The following TAFA4 variants were observed in gnomAD, a reference collection of about 807,000 sequenced individuals.
The protein encoded by TAFA4 is TAFA chemokine like family member 4, also known as chemokine-like protein TAFA-4.
In TAFA4, 20 loss-of-function variants were observed where a neutral mutation model predicts 21.1. That is an observed-to-expected ratio of 0.95 (90% CI 0.67 to 1.38). TAFA4 has a LOEUF of 1.38. TAFA4 is among the 40% of genes most tolerant of loss of function. The probability of loss-of-function intolerance (pLI) is 0.00; values close to 1 mark genes in which losing one functional copy is unlikely to be tolerated. For missense variants in TAFA4, 211 were observed against 180.9 expected, an observed-to-expected ratio of 1.17 and a Z score of -0.95; for synonymous variants, 71 against 67.4, an observed-to-expected ratio of 1.05 and a Z score of -0.26.
At chr3:68,774,118 G>A (rs988584106) in intron 3 of TAFA4, among the ~76,000 whole-genome samples, 1 of 152,164 alleles carries the variant, frequency 6.6e-6, no homozygotes, top group Non-Finnish European at 1.5e-5. Flanking sequence ...CTTCTCCCAA[G>A]CTCCAGTCCT....
chr3:68,828,598 T>G (rs1704308422), intron 3 of TAFA4, among the ~76,000 whole-genome samples: 1 of 152,192 alleles, frequency 6.6e-6, no homozygotes, highest in Non-Finnish European at 1.5e-5. Flanking sequence ...TTCACATCCC[T>G]TGTAATTTGG....
rs1020839707 is a variant in TAFA4 at position 68,870,990 on chromosome 3, G to A, written c.130+9740C>T. On this transcript the variant is annotated intron_variant, in intron 3 of 5. Transcript: ENST00000295569. ...TTCTTTATCCAGTCTATCACTGATGGGTATTTGGGTTGGTTCCAAAATCTC... is the reference window on the plus strand; with the variant it reads ...TTCTTTATCCAGTCTATCACTGATGAGTATTTGGGTTGGTTCCAAAATCTC... 3.3e-5 allele frequency among the ~76,000 whole-genome samples: 5 copies of A among 152,060 alleles called. 1 individual carries two copies. The South Asian group carries it at 6.2e-4, about 19-fold the overall frequency.
At chr3:68,846,447 G>A (rs1435913482) in intron 3 of TAFA4, among the ~76,000 whole-genome samples, 1 of 151,856 alleles carries the variant, frequency 6.6e-6, no homozygotes, top group Non-Finnish European at 1.5e-5. Context: ...AGTCTTCCTT[G>A]CATTGTGTTA....
chr3:68,901,922 G>C (rs996104403), intron 1 of TAFA4, among the ~76,000 whole-genome samples: 3 of 152,180 alleles, frequency 2.0e-5, no homozygotes, highest in South Asian at 2.1e-4. Context: ...AATAGATTTG[G>C]AAATAACTAC....
At chr3:68,772,226 G>T (rs1375677177) in intron 3 of TAFA4, among the ~76,000 whole-genome samples, 1 of 152,126 alleles carries the variant, frequency 6.6e-6, no homozygotes, top group African/African-American at 2.4e-5. Context: ...TTCATTTATG[G>T]GTATTAAGTT....
intron 3 of TAFA4, among the ~76,000 whole-genome samples, chr3:68,871,402 A>G (rs547650943): frequency 3.3e-5 from 5 of 152,236 alleles, no homozygotes; most frequent in African/African-American, 4.8e-5. Flanking sequence ...CTAGACCCCT[A>G]TCGCTCACTA....
At chr3:68,770,529 T>C (rs1272642455) in intron 3 of TAFA4, among the ~76,000 whole-genome samples, 2 of 152,264 alleles carry the variant, frequency 1.3e-5, no homozygotes, top group Non-Finnish European at 2.9e-5. Context: ...ACCAGTGCTC[T>C]AAAACACCAG....
intron 4 of TAFA4, among the ~76,000 whole-genome samples, chr3:68,748,641 G>A (rs1043425591): frequency 2.6e-5 from 4 of 151,836 alleles, no homozygotes; most frequent in African/African-American, 9.7e-5. Flanking sequence ...CTACTCGGGA[G>A]ACTGAGACAG....
At chr3:68,850,037 T>G (rs969620176) in intron 3 of TAFA4, among the ~76,000 whole-genome samples, 15 of 152,236 alleles carry the variant, frequency 9.9e-5, no homozygotes, top group African/African-American at 2.7e-4. Flanking sequence ...GGCTTGCCAG[T>G]TGCCATTTAC....
intron 3 of TAFA4, among the ~76,000 whole-genome samples, chr3:68,788,283 A>G (rs1448437611): frequency 2.6e-5 from 4 of 152,018 alleles, no homozygotes; most frequent in Non-Finnish European, 4.4e-5. Flanking sequence ...AAACATGCCA[A>G]TCACCTCTGC....
chr3:68,784,826 C>T (rs962390044), intron 3 of TAFA4, among the ~76,000 whole-genome samples: 4 of 152,158 alleles, frequency 2.6e-5, no homozygotes, highest in Admixed American at 2.0e-4. Flanking sequence ...TTTACAACCC[C>T]TGAGCTAGAC....
At chr3:68,865,626 C>T (rs1351144871) in intron 3 of TAFA4, among the ~76,000 whole-genome samples, 1 of 152,076 alleles carries the variant, frequency 6.6e-6, no homozygotes, top group Non-Finnish European at 1.5e-5. Flanking sequence ...TTATAAATTA[C>T]CCTGTCTTGG....
At chr3:68,902,383 T>C (rs1210198443) in intron 1 of TAFA4, among the ~76,000 whole-genome samples, 2 of 152,190 alleles carry the variant, frequency 1.3e-5, no homozygotes, top group Middle Eastern at 3.2e-3. Context: ...ACTTTTTTTT[T>C]TGGAGACAGG....
chr3:68,756,820 T>A (rs1702668264), intron 3 of TAFA4, among the ~76,000 whole-genome samples: 2 of 152,212 alleles, frequency 1.3e-5, no homozygotes, highest in South Asian at 4.1e-4. Context: ...CCATAGGTAG[T>A]TGTATACAAT....
At chr3:68,878,064 C>A (rs1223305787) in intron 3 of TAFA4, among the ~76,000 whole-genome samples, 6 of 152,204 alleles carry the variant, frequency 3.9e-5, no homozygotes, top group Non-Finnish European at 8.8e-5. Context: ...TTAGACCCCC[C>A]AACATTTGAT....
At chr3:68,929,499 T>C (rs2090140540) in intron 1 of TAFA4, among the ~76,000 whole-genome samples, 1 of 152,238 alleles carries the variant, frequency 6.6e-6, no homozygotes, top group Non-Finnish European at 1.5e-5. Flanking sequence ...TTGCTAATCC[T>C]GAGTGATTTA....
At chr3:68,795,853 G>A (rs1293842786) in intron 3 of TAFA4, among the ~76,000 whole-genome samples, 3 of 152,050 alleles carry the variant, frequency 2.0e-5, no homozygotes, top group African/African-American at 7.2e-5. Context: ...GTCCTCTTTT[G>A]GGAAGACATT....
intron 1 of TAFA4, among the ~76,000 whole-genome samples, chr3:68,899,828 A>C (rs1559557603): frequency 6.6e-6 from 1 of 152,190 alleles, no homozygotes; most frequent in Non-Finnish European, 1.5e-5. Context: ...TGTACTATTC[A>C]TCCCCAAAAG....
At chr3:68,772,581 C>T (rs780490574) in intron 3 of TAFA4, among the ~76,000 whole-genome samples, 3 of 152,236 alleles carry the variant, frequency 2.0e-5, no homozygotes, top group Non-Finnish European at 4.4e-5. Flanking sequence ...TAGCAGCCTT[C>T]AGCCTTGGAC....
Sources: allele counts gnomAD v4.1 joint callset (sites outside exome capture counted in the v4.1 genomes callset), GRCh38; gene constraint gnomAD v4.1.1; transcripts MANE v1.5; gene names NCBI Gene and HGNC (gene_info 2026-07-23, HGNC 2026-07-21).